The following AP3B1 variants were observed in gnomAD, a reference collection of about 807,000 sequenced individuals.
AP3B1 encodes adaptor related protein complex 3 subunit beta 1.
A neutral mutation model predicts 132.5 loss-of-function variants in AP3B1; 61 were observed. The observed-to-expected ratio is 0.46, with a 90% CI of 0.37 to 0.57. The LOEUF (loss-of-function observed/expected upper bound fraction) is 0.57. Among genes scored for constraint, AP3B1 ranks in the 20% least tolerant of loss-of-function variants. The pLI is 0.00. For missense variants in AP3B1, 1,120 were observed against 1,289.4 expected (o/e 0.87, Z 2.01); for synonymous variants, 388 against 438.3 (o/e 0.89, Z 1.43).
At chr5:78,121,461 GAAGAA>G (rs1580374487) in intron 17 of AP3B1, among the ~76,000 whole-genome samples, 1 of 151,830 alleles carries the variant, frequency 6.6e-6, no homozygotes, top group South Asian at 2.1e-4. Context: ...GACTAATAAA[GAAGAA>G]AAGAGAGAAG....
chr5:78,268,140 TCTCTGAGAACATAC>T (rs1221725845), intron 1 of AP3B1, among the ~76,000 whole-genome samples: 1 of 152,146 alleles, frequency 6.6e-6, no homozygotes, highest in Non-Finnish European at 1.5e-5. Flanking sequence ...ATAAAAACTG[TCTCTGAGAACATAC>T]AACTACTACA....
chr5:78,261,484 A>C lies in AP3B1; in HGVS notation c.204+6036T>G, dbSNP rs186452517. The stretch of plus-strand genomic sequence containing the variant: ...TTGTTGTTGTTTTGTTTTGTTTTTG[A>C]GACAGAGTTTCACTCTTGTCACCCA... On this transcript the variant is annotated intron_variant, in intron 2 of 26. Coordinates refer to ENST00000255194, the MANE Select transcript of AP3B1 (RefSeq NM_003664.5). 5.1e-4 allele frequency among the ~76,000 whole-genome samples: 78 copies of C among 152,120 alleles called. 2 individuals are homozygous for C. In the South Asian group the frequency reaches 9.1e-3, roughly 18 times the overall value.
intron 17 of AP3B1, among the ~76,000 whole-genome samples, chr5:78,120,654 A>G (rs1752134185): frequency 6.6e-6 from 1 of 152,026 alleles, no homozygotes; most frequent in Non-Finnish European, 1.5e-5. Context: ...TATCCTAAAT[A>G]TATATGCACC....
chr5:78,094,862 G>A (rs1210343301), intron 21 of AP3B1, among the ~76,000 whole-genome samples: 2 of 151,990 alleles, frequency 1.3e-5, no homozygotes, highest in Admixed American at 6.6e-5. Context: ...TCTATTTTTA[G>A]TAGAGACAGG....
At chr5:78,119,765 T>C (rs573273055) in intron 17 of AP3B1, among the ~76,000 whole-genome samples, 2 of 152,320 alleles carry the variant, frequency 1.3e-5, no homozygotes, top group South Asian at 2.1e-4. Context: ...GAAAACACTC[T>C]GCAGGATATT....
At chr5:78,131,370 G>A (rs1752679895) in intron 15 of AP3B1, among the ~76,000 whole-genome samples, 2 of 151,860 alleles carry the variant, frequency 1.3e-5, no homozygotes, top group Non-Finnish European at 2.9e-5. Flanking sequence ...TGGGTATAAT[G>A]GAGAAAATAC....
intron 2 of AP3B1, among the ~76,000 whole-genome samples, chr5:78,259,041 T>A (rs1747966955): frequency 6.6e-6 from 1 of 151,726 alleles, no homozygotes; most frequent in Admixed American, 6.6e-5. Flanking sequence ...ATCGAGACCA[T>A]CCTGGCTAAC....
At chr5:78,040,267 C>T (rs890784517) in intron 22 of AP3B1, among the ~76,000 whole-genome samples, 2 of 152,098 alleles carry the variant, frequency 1.3e-5, no homozygotes, top group African/African-American at 4.8e-5. Flanking sequence ...TCTCCAGATA[C>T]TGAACTAATT....
At chr5:78,138,770 G>A (rs550098445) in intron 15 of AP3B1, among the ~76,000 whole-genome samples, 3 of 151,520 alleles carry the variant, frequency 2.0e-5, no homozygotes, top group Non-Finnish European at 2.9e-5. Flanking sequence ...TCAGAAGTTC[G>A]AGATCAGCCT....
At chr5:78,134,149 CAA>C (rs397961933) in intron 15 of AP3B1, among the ~76,000 whole-genome samples, 12 of 74,182 alleles carry the variant, frequency 1.6e-4, no homozygotes, top group Admixed American at 1.5e-4. Context: ...AGACTCGCCT[CAA>C]AAAAAAAAAA....
intron 25 of AP3B1, among the ~76,000 whole-genome samples, chr5:78,017,932 A>G (rs1342249474): frequency 6.6e-6 from 1 of 152,040 alleles, no homozygotes; most frequent in Non-Finnish European, 1.5e-5. Flanking sequence ...GGCAAACCAA[A>G]TAACATAAAA....
At chr5:78,073,490 A>G (rs1749631003) in intron 22 of AP3B1, among the ~76,000 whole-genome samples, 1 of 152,236 alleles carries the variant, frequency 6.6e-6, no homozygotes, top group African/African-American at 2.4e-5. Context: ...TTTGAAATAT[A>G]GCAATTCATA....
chr5:78,140,729 C>T (rs1157147123), intron 15 of AP3B1, among the ~76,000 whole-genome samples: 1 of 152,220 alleles, frequency 6.6e-6, no homozygotes, highest in Non-Finnish European at 1.5e-5. Flanking sequence ...TCTGGACTCA[C>T]CTTCAAAAAG....
At chr5:78,087,561 G>C in intron 22 of AP3B1, 1 of 985,340 alleles carries the variant, frequency 1.0e-6, no homozygotes, top group South Asian at 4.7e-5. Flanking sequence ...CTACTTGTTT[G>C]ATCATTTTGT....
intron 22 of AP3B1, chr5:78,089,112 C>T (rs753259223): frequency 4.2e-5 from 15 of 358,820 alleles, no homozygotes; most frequent in Non-Finnish European, 7.3e-5. Context: ...ATATGTACTG[C>T]GTCAATGTGG....
At chr5:78,078,032 C>G (rs770740228) in intron 22 of AP3B1, among the ~76,000 whole-genome samples, 1 of 152,200 alleles carries the variant, frequency 6.6e-6, no homozygotes, top group South Asian at 2.1e-4. Context: ...TTACCCATAA[C>G]CTGATGGCTT....
chr5:78,125,751 C>T (rs1315055413), intron 17 of AP3B1, among the ~76,000 whole-genome samples: 1 of 152,112 alleles, frequency 6.6e-6, no homozygotes, highest in African/African-American at 2.4e-5. Context: ...TTATTAATTT[C>T]ATAAATATAA....
At chr5:78,182,344 T>A (rs1350790164) in intron 7 of AP3B1, among the ~76,000 whole-genome samples, 1 of 152,248 alleles carries the variant, frequency 6.6e-6, no homozygotes, top group Non-Finnish European at 1.5e-5. Flanking sequence ...TAACTTCCGT[T>A]ACCAAGTATC....
chr5:78,060,353 G>A (rs1272979903), intron 22 of AP3B1, among the ~76,000 whole-genome samples: 2 of 152,164 alleles, frequency 1.3e-5, no homozygotes, highest in Non-Finnish European at 2.9e-5. Context: ...AAACATATAA[G>A]CAAATGCTGC....
Sources: allele counts gnomAD v4.1 joint callset (sites outside exome capture counted in the v4.1 genomes callset), GRCh38; gene constraint gnomAD v4.1.1; transcripts MANE v1.5; gene names NCBI Gene and HGNC (gene_info 2026-07-23, HGNC 2026-07-21).